Variants in PLEKHB1 observed in about 807,000 individuals in gnomAD.
PLEKHB1 encodes the protein pleckstrin homology domain-containing family B member 1.
PLEKHB1 carries 29 observed loss-of-function variants against 36.2 expected under a neutral mutation model. That is an observed-to-expected ratio of 0.80 (90% CI 0.60 to 1.09). The LOEUF is 1.09. Ranked by LOEUF, PLEKHB1 falls within the 50% of genes least tolerant of loss-of-function variation. The pLI is 0.00. For missense variants in PLEKHB1, 330 were observed against 348.2 expected (o/e 0.95, Z 0.42); for synonymous variants, 138 against 140.0 (o/e 0.99, Z 0.10).
chr11:73,655,559 G>T (rs1363209442), intron 5 of PLEKHB1, among the ~76,000 whole-genome samples: 1 of 152,160 alleles, frequency 6.6e-6, no homozygotes, highest in Non-Finnish European at 1.5e-5. Context: ...AATAGGGGAG[G>T]GTGGGCTAAT....
intron 5 of PLEKHB1, among the ~76,000 whole-genome samples, 175 bp from the exon 6 acceptor site, chr11:73,655,628 T>G (rs1221835778): frequency 6.6e-6 from 1 of 152,192 alleles, no homozygotes; most frequent in Non-Finnish European, 1.5e-5. Context: ...ATCAGCATTC[T>G]CTGAGCCTCC....
chr11:73,648,179 C>A, intron 1 of PLEKHB1: 1 of 164,044 alleles, frequency 6.1e-6, no homozygotes, highest in Non-Finnish European at 1.3e-5. Flanking sequence ...TTGCCTCCTG[C>A]CCTCAGACAT....
rs147901992 is a variant in PLEKHB1 at position 73,647,360 on chromosome 11, T to C, written c.18+734T>C. The C allele has an allele frequency of 1.8e-3, 314 of 173,356 alleles. 5 individuals are homozygous for C. In the Middle Eastern group the frequency reaches 0.03, roughly 17 times the overall value. The allele number at this position is 173,356 out of a possible 1,614,324, so 10.7% of individuals were successfully genotyped here. On this transcript the variant is annotated intron_variant, in intron 1 of 7. Coordinates refer to ENST00000354190, the MANE Select transcript of PLEKHB1 (RefSeq NM_021200.3). ...GCAAAACTAGGAGCTTGGCTTCTCC[T>C]TGCAACTTTACTTTTTCTTTTTTTC...
intron 4 of PLEKHB1, among the ~76,000 whole-genome samples, chr11:73,652,227 C>G (rs1242871047): frequency 6.6e-6 from 1 of 152,226 alleles, no homozygotes; most frequent in Non-Finnish European, 1.5e-5. Flanking sequence ...TAGTGGCACC[C>G]TTGCTCCCTT....
chr11:73,649,181 C>T (rs973270546), intron 2 of PLEKHB1, 94 bp downstream of exon 2: 49 of 1,424,620 alleles, frequency 3.4e-5, no homozygotes, highest in Admixed American at 4.6e-5. Flanking sequence ...AAACCAGGAC[C>T]TTTTCATCCT....
chr11:73,661,427 C>T lies in PLEKHB1; in HGVS notation c.596-39C>T, dbSNP rs199944367. Reference sequence around the variant, plus strand: ...GGGTACGAAGATCACTCTACTCCCTCCTAAGTCGCTGATCCTCATGGGCTG... The same window carrying T: ...GGGTACGAAGATCACTCTACTCCCTTCTAAGTCGCTGATCCTCATGGGCTG... On this transcript the variant is annotated intron_variant, in intron 7 of 7. Transcript: ENST00000354190. The surrounding 1 kb of genome is among the most constrained non-coding windows in gnomAD (Gnocchi z 4.6). 4.3e-5 allele frequency: 69 copies of T among 1,610,986 alleles called. No homozygotes were observed. The African/African-American group carries it at 8.4e-4, about 20-fold the overall frequency.
At chr11:73,648,694 C>A in intron 1 of PLEKHB1, 1 of 1,084,246 alleles carries the variant, frequency 9.2e-7, no homozygotes, top group Non-Finnish European at 1.1e-6. Context: ...AGACACACTT[C>A]TACAGATCTA....
At chr11:73,655,563 G>A (rs1268567157) in intron 5 of PLEKHB1, among the ~76,000 whole-genome samples, 1 of 152,164 alleles carries the variant, frequency 6.6e-6, no homozygotes, top group African/African-American at 2.4e-5. Flanking sequence ...GGGGAGGGTG[G>A]GCTAATTCTG....
intron 6 of PLEKHB1, among the ~76,000 whole-genome samples, chr11:73,658,774 A>G (rs968722739): frequency 1.1e-4 from 17 of 151,898 alleles, no homozygotes; most frequent in Non-Finnish European, 1.5e-5. Context: ...GCATCACCAC[A>G]CTCAGCTAAT....
rs199504982 is a variant in PLEKHB1 at position 73,655,837 on chromosome 11, G to A, written c.425G>A (p.Arg142His). The A allele has an allele frequency of 3.1e-4, 501 of 1,613,492 alleles. 1 individual carries two copies. The highest frequency in any genetic ancestry group is 4.0e-4 in the Non-Finnish European group (467 of 1,179,846). ...GGAGCCACCGTCCCTCCCAGGAGCC[G>A]CCGGGTTTGCTCCAAGGTCAGGTGT... Reference protein sequence around the residue: ...PAGATVPPRSRRVCSKVRCVT... With the variant: ...PAGATVPPRSHRVCSKVRCVT... The change falls in exon 6 of 8, where the codon CGC becomes CAC. Residue 142 changes from arginine (R) to histidine (H), a missense_variant. Coordinates refer to ENST00000354190, the MANE Select transcript of PLEKHB1 (RefSeq NM_021200.3).
chr11:73,648,612 T>C (rs930971452), intron 1 of PLEKHB1: 12 of 997,262 alleles, frequency 1.2e-5, no homozygotes, highest in Admixed American at 1.1e-4. Context: ...AGTCTCATGC[T>C]CCACCGACTG....
rs539620229 is a variant in PLEKHB1 at position 73,654,950 on chromosome 11, G to A, written c.391-853G>A. Among the ~76,000 whole-genome samples, 8 of 152,288 alleles carry A rather than the reference G, an allele frequency of 5.3e-5. No individual in the cohort carries two copies. The South Asian group carries it at 1.0e-3, about 20-fold the overall frequency. On this transcript the variant is annotated intron_variant, in intron 5 of 7. Transcript: ENST00000354190. The stretch of plus-strand genomic sequence containing the variant: ...GAGCAGACTCAGGCTTCCAAGTGGC[G>A]GGTGAATTGGAGAAAGCTGGGAGTA...
intron 1 of PLEKHB1, chr11:73,647,481 C>T (rs1052510534): frequency 2.4e-6 from 2 of 848,388 alleles, no homozygotes; most frequent in Non-Finnish European, 1.4e-6. Context: ...GGCGGGGCTG[C>T]TTCTGCCCAG....
chr11:73,652,853 T>C (rs969627822), intron 4 of PLEKHB1, 122 bp from the exon 5 acceptor site: 1 of 780,872 alleles, frequency 1.3e-6, no homozygotes, highest in East Asian at 2.8e-5. Context: ...AGACAAGAGA[T>C]CTCTCCTTTC....
intron 2 of PLEKHB1, 131 bp from the exon 3 acceptor site, chr11:73,650,422 G>T (rs532743266): frequency 1.9e-4 from 194 of 1,017,092 alleles, no homozygotes; most frequent in Non-Finnish European, 2.6e-4. Flanking sequence ...CCTCATTTCA[G>T]GGGGTAGACA....
chr11:73,647,588 C>A (rs538885978), intron 1 of PLEKHB1: 2 of 985,512 alleles, frequency 2.0e-6, no homozygotes, highest in Non-Finnish European at 2.4e-6. Flanking sequence ...GAGGGCGGGG[C>A]CCGGGGGCAG....
rs1034725295 is a variant in PLEKHB1, at chr11:73,650,999, T to TA, written c.247+307dup. ...GCCAACATAGCGAGACCCTGTCTCT[T>TA]AAAAAAAAAAAAATTGGTGAGATGC... On this transcript the variant is annotated intron_variant, in intron 3 of 7. Coordinates refer to ENST00000354190, the MANE Select transcript of PLEKHB1 (RefSeq NM_021200.3). Among the ~76,000 whole-genome samples the TA allele has an allele frequency of 1.4e-3, 193 of 140,486 alleles. 1 individual carries two copies. Among genetic ancestry groups the TA allele is most frequent in the East Asian group, 4.1e-3 (20 of 4,870 alleles). The allele number at this position is 140,486 out of a possible 152,430, so 92.2% of individuals were successfully genotyped here.
rs952564649 is a variant in PLEKHB1, at chr11:73,661,916, G to A, written c.*314G>A. On this transcript the variant is annotated 3_prime_UTR_variant, in exon 8 of 8. Transcript: ENST00000354190. The surrounding 1 kb of genome is among the most constrained non-coding windows in gnomAD (Gnocchi z 4.6). ...AGCAAATACGACTTCATTTGGCTTCGAGTTCCCCAGGCGCTGTAGACACAA... is the reference window on the plus strand; with the variant it reads ...AGCAAATACGACTTCATTTGGCTTCAAGTTCCCCAGGCGCTGTAGACACAA... 6.4e-6 allele frequency: 2 copies of A among 311,202 alleles called. No individual in the cohort carries two copies. Among genetic ancestry groups the A allele is most frequent in the Non-Finnish European group, 1.2e-5 (2 of 166,840 alleles). The allele number at this position is 311,202 out of a possible 1,614,324, so 19.3% of individuals were successfully genotyped here.
Position 73,651,900 on chromosome 11 carries a change from T to G in PLEKHB1, c.350+10T>G. The G allele has an allele frequency of 6.2e-7, 1 of 1,611,146 alleles. No individual in the cohort carries two copies. The highest frequency in any genetic ancestry group is 2.2e-5 in the East Asian group (1 of 44,848). On this transcript the variant is annotated intron_variant, in intron 4 of 7. Coordinates refer to ENST00000354190, the MANE Select transcript of PLEKHB1 (RefSeq NM_021200.3). Reference sequence around the variant, plus strand: ...CCAAGGATGATGCCCTGTGAGTCACTCCCAGGAGAGGATGGGGTGGAATCT... The same window carrying G: ...CCAAGGATGATGCCCTGTGAGTCACGCCCAGGAGAGGATGGGGTGGAATCT...
Sources: allele counts gnomAD v4.1 joint callset (sites outside exome capture counted in the v4.1 genomes callset), GRCh38; gene constraint gnomAD v4.1.1; non-coding constraint Gnocchi (gnomAD v3.1); transcripts MANE v1.5; gene names NCBI Gene and HGNC (gene_info 2026-07-23, HGNC 2026-07-21).